Variants in NUDCD3 observed in about 807,000 individuals in gnomAD.
NUDCD3 encodes nudC domain-containing protein 3.
In NUDCD3, 13 loss-of-function variants were observed where a neutral mutation model predicts 39.7. The observed-to-expected ratio is 0.33, with a 90% confidence interval of 0.21 to 0.52. The LOEUF (loss-of-function observed/expected upper bound fraction) is 0.52, where lower values mean the gene tolerates loss of function less well. Among genes scored for constraint, NUDCD3 ranks in the 20% least tolerant of loss-of-function variants. The pLI, the probability that NUDCD3 is intolerant of heterozygous loss-of-function variation, is 0.96. For missense variants in NUDCD3, 453 were observed against 458.1 expected, an observed-to-expected ratio of 0.99 and a Z score of 0.10; for synonymous variants, 175 against 172.4, an observed-to-expected ratio of 1.02 and a Z score of -0.12.
At chr7:44,438,843 T>C (rs1799517976) in intron 2 of NUDCD3, among the ~76,000 whole-genome samples, 1 of 152,200 alleles carries the variant, frequency 6.6e-6, no homozygotes, top group Non-Finnish European at 1.5e-5. Flanking sequence ...ACTATGCAGG[T>C]ACGTGCATAC....
intron 2 of NUDCD3, among the ~76,000 whole-genome samples, chr7:44,437,884 T>A (rs1181434056): frequency 6.6e-6 from 1 of 152,298 alleles, no homozygotes; most frequent in East Asian, 1.9e-4. Flanking sequence ...AATCAGTATA[T>A]TTACTATAAA....
Position 44,385,101 on chromosome 7 carries a change from C to G in NUDCD3, c.*910G>C, listed in dbSNP as rs1456794137. 6.6e-6 allele frequency: 1 copy of G among 152,314 alleles called. No homozygotes were observed. The highest frequency in any genetic ancestry group is 1.9e-4 in the East Asian group (1 of 5,202). 9.4% of individuals were successfully genotyped at this position (152,314 alleles called of 1,614,324 possible). ...AGAAATTCCTCCTCTCCCAGAAGCC[C>G]TTCAAGGTCAAAGCTTCTCAGGACT... On this transcript the variant is annotated 3_prime_UTR_variant, in exon 6 of 6. Transcript: ENST00000355451.
intron 1 of NUDCD3, chr7:44,490,049 T>G: frequency 5.1e-6 from 1 of 194,284 alleles, no homozygotes; most frequent in South Asian, 1.1e-4. Flanking sequence ...CTTTGGTAGT[T>G]CTGGGGCATG....
At chr7:44,489,283 A>G (rs1484999553) in intron 1 of NUDCD3, among the ~76,000 whole-genome samples, 1 of 152,218 alleles carries the variant, frequency 6.6e-6, no homozygotes, top group African/African-American at 2.4e-5. Flanking sequence ...CATCACTAAG[A>G]TGGCACTTAT....
chr7:44,469,557 C>T (rs910747661), intron 2 of NUDCD3, among the ~76,000 whole-genome samples: 1 of 152,136 alleles, frequency 6.6e-6, no homozygotes, highest in African/African-American at 2.4e-5. Flanking sequence ...AGATATTTAT[C>T]TAGTCTCAAA....
intron 4 of NUDCD3, among the ~76,000 whole-genome samples, chr7:44,400,916 C>G (rs544295503): frequency 6.6e-6 from 1 of 152,344 alleles, no homozygotes; most frequent in East Asian, 1.9e-4. Flanking sequence ...AATAAGGCCA[C>G]ATTCACAGGA....
At chr7:44,416,727 T>C (rs1449202429) in intron 3 of NUDCD3, among the ~76,000 whole-genome samples, 1 of 152,138 alleles carries the variant, frequency 6.6e-6, no homozygotes, top group Non-Finnish European at 1.5e-5. Context: ...AATAAGCCAC[T>C]GAAAAAAGAA....
chr7:44,485,378 C>G (rs928300455), intron 1 of NUDCD3, 94 bp from the exon 2 acceptor site: 1 of 1,141,002 alleles, frequency 8.8e-7, no homozygotes, highest in Non-Finnish European at 1.2e-6. Flanking sequence ...AAGGAGAGAA[C>G]TAAAAGTCAG....
chr7:44,417,334 T>C (rs756763485), intron 3 of NUDCD3, among the ~76,000 whole-genome samples: 1 of 152,178 alleles, frequency 6.6e-6, no homozygotes, highest in African/African-American at 2.4e-5. Flanking sequence ...CAGGGAAGAA[T>C]CATGGCATCA....
At chr7:44,469,191 T>G (rs1800200944) in intron 2 of NUDCD3, among the ~76,000 whole-genome samples, 1 of 150,128 alleles carries the variant, frequency 6.7e-6, no homozygotes, top group Non-Finnish European at 1.5e-5. Context: ...ACCCCTTACC[T>G]GTTTCAACCC....
intron 4 of NUDCD3, among the ~76,000 whole-genome samples, chr7:44,403,443 G>C (rs1006007540): frequency 4.6e-5 from 7 of 152,254 alleles, no homozygotes; most frequent in African/African-American, 1.7e-4. Context: ...CCTCTGTGTA[G>C]CCAGAGTGAG....
intron 2 of NUDCD3, among the ~76,000 whole-genome samples, chr7:44,452,119 A>C (rs1305557950): frequency 6.6e-6 from 1 of 152,220 alleles, no homozygotes; most frequent in African/African-American, 2.4e-5. Context: ...AGCCCATCCC[A>C]AGTCCCAGGG....
chr7:44,412,724 G>A (rs188214232), intron 3 of NUDCD3, among the ~76,000 whole-genome samples: 2 of 151,808 alleles, frequency 1.3e-5, no homozygotes, highest in Non-Finnish European at 1.5e-5. Context: ...TCAGGAGATC[G>A]AGGCCATCCT....
At chr7:44,392,174 G>T in intron 5 of NUDCD3, 123 bp downstream of exon 5, 1 of 885,826 alleles carries the variant, frequency 1.1e-6, no homozygotes, top group Non-Finnish European at 1.8e-6. Flanking sequence ...GCTAGGACAT[G>T]GCAGGAAGCT....
intron 3 of NUDCD3, among the ~76,000 whole-genome samples, chr7:44,410,860 G>A (rs986643567): frequency 7.2e-5 from 11 of 152,030 alleles, no homozygotes; most frequent in African/African-American, 2.2e-4. Context: ...CCAGCTACTC[G>A]GGAGGCTGAG....
chr7:44,490,348 G>A, intron 1 of NUDCD3, 61 bp downstream of exon 1: 2 of 1,416,076 alleles, frequency 1.4e-6, no homozygotes, highest in Non-Finnish European at 1.9e-6. Flanking sequence ...AGGAGCGGGC[G>A]CCAGGAGTCA....
At chr7:44,453,009 G>T (rs922839519) in intron 2 of NUDCD3, among the ~76,000 whole-genome samples, 1 of 152,224 alleles carries the variant, frequency 6.6e-6, no homozygotes, top group Non-Finnish European at 1.5e-5. Flanking sequence ...TGGAGGCACA[G>T]GACAGTTCCA....
intron 2 of NUDCD3, among the ~76,000 whole-genome samples, chr7:44,447,168 A>G (rs1799704109): frequency 6.6e-6 from 1 of 152,240 alleles, no homozygotes; most frequent in Non-Finnish European, 1.5e-5. Flanking sequence ...TAACGCACTT[A>G]TTGAAGTCCC....
At chr7:44,468,677 C>T (rs773942103) in intron 2 of NUDCD3, among the ~76,000 whole-genome samples, 1 of 152,182 alleles carries the variant, frequency 6.6e-6, no homozygotes, top group Non-Finnish European at 1.5e-5. Flanking sequence ...AGGCCCAGCT[C>T]TTGGCTTGTA....
Sources: gnomAD v4.1 joint callset for allele counts (sites outside exome capture counted in the v4.1 genomes callset) on GRCh38, gnomAD v4.1.1 for gene constraint, MANE v1.5 for transcripts, NCBI Gene and HGNC (gene_info 2026-07-23, HGNC 2026-07-21) for gene names.